ADAMTSL1: variants seen among roughly 807,000 people sequenced by gnomAD.
The protein encoded by ADAMTSL1 is ADAMTS like 1, also known as ADAMTS-like protein 1.
In ADAMTSL1, 126 loss-of-function variants were observed where a neutral mutation model predicts 201.8. The observed-to-expected ratio is 0.62, with a 90% confidence interval of 0.54 to 0.72. The LOEUF (loss-of-function observed/expected upper bound fraction) is 0.72, where lower values mean the gene tolerates loss of function less well. Ranked by LOEUF, ADAMTSL1 falls within the 30% of genes least tolerant of loss-of-function variation. The probability of loss-of-function intolerance (pLI) is 0.00; values close to 1 mark genes in which losing one functional copy is unlikely to be tolerated. For synonymous variants in ADAMTSL1, 1,121 were observed against 903.4 expected (o/e 1.24, Z -4.32); for missense variants, 2,679 against 2,277.8 (o/e 1.18, Z -3.59).
At chr9:18,385,795 T>C (rs555406361) in intron 2 of ADAMTSL1, among the ~76,000 whole-genome samples, 147 of 152,328 alleles carry the variant, frequency 9.7e-4, no homozygotes, top group African/African-American at 3.4e-3. Context: ...GGCTGACATT[T>C]CACTTCATGC....
chr9:18,302,742 A>G (rs1280807775), intron 2 of ADAMTSL1, among the ~76,000 whole-genome samples: 2 of 152,210 alleles, frequency 1.3e-5, no homozygotes, highest in East Asian at 3.8e-4. Flanking sequence ...CTAATGCTTA[A>G]TGGTAAGATT....
At chr9:18,855,596 C>G (rs1430489878) in intron 23 of ADAMTSL1, among the ~76,000 whole-genome samples, 1 of 152,118 alleles carries the variant, frequency 6.6e-6, no homozygotes, top group Non-Finnish European at 1.5e-5. Context: ...ACTCTTTTAT[C>G]CTTCACCTTC....
intron 2 of ADAMTSL1, among the ~76,000 whole-genome samples, chr9:18,251,763 G>A (rs1831473315): frequency 6.6e-6 from 1 of 152,102 alleles, no homozygotes; most frequent in African/African-American, 2.4e-5. Context: ...AGCTGGCACG[G>A]GCACAGAGAA....
intron 2 of ADAMTSL1, among the ~76,000 whole-genome samples, chr9:18,398,324 C>T (rs1817831687): frequency 2.0e-5 from 3 of 152,106 alleles, no homozygotes; most frequent in Non-Finnish European, 2.9e-5. Flanking sequence ...AGTAAAATAA[C>T]TTAAAATGTT....
At chr9:18,523,918 G>A (rs1322208863) in intron 2 of ADAMTSL1, among the ~76,000 whole-genome samples, 5 of 135,920 alleles carry the variant, frequency 3.7e-5, no homozygotes, top group Admixed American at 2.4e-4. Context: ...TTGACTTGGT[G>A]ATGTGGGCTC....
intron 3 of ADAMTSL1, among the ~76,000 whole-genome samples, chr9:18,564,472 C>G (rs12004058): frequency 0.26 from 39,608 of 152,134 alleles, 5,948 homozygotes; most frequent in Admixed American, 0.38. Flanking sequence ...CTTGCCAGCC[C>G]CTGCCTCACT....
At chr9:17,993,311 T>C (rs1408375012) in intron 1 of ADAMTSL1, among the ~76,000 whole-genome samples, 1 of 152,178 alleles carries the variant, frequency 6.6e-6, no homozygotes, top group African/African-American at 2.4e-5. Flanking sequence ...TATTTGATCA[T>C]GAATGTTTTT....
chr9:18,807,438 A>G (rs1338908161), intron 20 of ADAMTSL1, among the ~76,000 whole-genome samples: 2 of 151,942 alleles, frequency 1.3e-5, no homozygotes, highest in African/African-American at 4.8e-5. Context: ...AGGTCAGGAG[A>G]TCGAGACCAT....
Position 18,439,601 on chromosome 9 carries a change from G to T in ADAMTSL1, c.208-65228G>T, listed in dbSNP as rs888151853. ...AGGATGGTCTCGATCTCCTGACCTCGTGATCTGCCTGCCTCGGTCTCCCAA... is the reference window on the plus strand; with the variant it reads ...AGGATGGTCTCGATCTCCTGACCTCTTGATCTGCCTGCCTCGGTCTCCCAA... On this transcript the variant is annotated intron_variant, in intron 2 of 29. Transcript: ENST00000680146. Among the ~76,000 whole-genome samples, 14 of 152,268 alleles carry T rather than the reference G, an allele frequency of 9.2e-5. No individual in the cohort carries two copies. In the East Asian group the frequency reaches 2.7e-3, roughly 29 times the overall value.
chr9:18,428,297 G>A (rs1466889502), intron 2 of ADAMTSL1, among the ~76,000 whole-genome samples: 1 of 151,874 alleles, frequency 6.6e-6, no homozygotes, highest in Non-Finnish European at 1.5e-5. Flanking sequence ...ACAAGAATTG[G>A]GGCCGGGTTT....
intron 25 of ADAMTSL1, chr9:18,890,705 C>A (rs888063864): frequency 2.7e-4 from 106 of 392,158 alleles, no homozygotes; most frequent in African/African-American, 1.9e-3. Flanking sequence ...CATAGCCTGG[C>A]CCGCTCCTTT....
chr9:18,832,926 G>T (rs1825080242), intron 23 of ADAMTSL1, among the ~76,000 whole-genome samples: 1 of 152,186 alleles, frequency 6.6e-6, no homozygotes, highest in Non-Finnish European at 1.5e-5. Flanking sequence ...AGTAAGGGGG[G>T]AAAGGAGAGT....
intron 2 of ADAMTSL1, among the ~76,000 whole-genome samples, chr9:18,287,498 TTATA>T (rs1331791079): frequency 6.6e-6 from 1 of 151,654 alleles, no homozygotes; most frequent in Non-Finnish European, 1.5e-5. Context: ...ATGCATGTAT[TTATA>T]TGTGCACATA....
Position 18,889,712 on chromosome 9 carries a change from A to G in ADAMTSL1, c.4607A>G (p.Gln1536Arg), listed in dbSNP as rs1048955324. The G allele has an allele frequency of 1.9e-6, 3 of 1,557,360 alleles. No homozygotes were observed. Among genetic ancestry groups the G allele is most frequent in the Non-Finnish European group, 2.6e-6 (3 of 1,150,842 alleles). The change falls in exon 25 of 29, where the codon CAG (glutamine) becomes CGG (arginine). Residue 1536 changes from glutamine to arginine, a missense_variant. Coordinates refer to ENST00000380548, the MANE Select transcript of ADAMTSL1 (RefSeq NM_001040272.6). The stretch of plus-strand genomic sequence containing the variant: ...GCAGGGAAGGTTCGCCCTGCGGTGC[A>G]GCCCATCGCGTGCAACCGGAGAGAC... ...HCAGKVRPAVQPIACNRRDCP... is the reference protein window; with the variant it reads ...HCAGKVRPAVRPIACNRRDCP...
intron 1 of ADAMTSL1, among the ~76,000 whole-genome samples, chr9:18,080,732 G>T: frequency 6.6e-6 from 1 of 151,834 alleles, no homozygotes; most frequent in East Asian, 1.9e-4. Flanking sequence ...AGGCCTAGAG[G>T]CACTAAGTGA....
At chr9:18,666,181 T>C (rs889412843) in intron 9 of ADAMTSL1, among the ~76,000 whole-genome samples, 3 of 152,158 alleles carry the variant, frequency 2.0e-5, no homozygotes, top group African/African-American at 7.2e-5. Context: ...AGCAGTTTCA[T>C]CCCAAGAAGG....
At chr9:18,083,924 G>A (rs528250072) in intron 1 of ADAMTSL1, among the ~76,000 whole-genome samples, 10 of 152,158 alleles carry the variant, frequency 6.6e-5, no homozygotes, top group African/African-American at 1.7e-4. Flanking sequence ...AGACCAATAC[G>A]GTGGTCTTGC....
Position 18,777,110 on chromosome 9 carries a change from A to T in ADAMTSL1, c.2881A>T (p.Ile961Phe), listed in dbSNP as rs987191852. 6.2e-6 allele frequency: 10 copies of T among 1,613,080 alleles called. No homozygotes were observed. Among genetic ancestry groups the T allele is most frequent in the Non-Finnish European group, 8.5e-6 (10 of 1,179,814 alleles). The change falls in exon 19 of 29, where the codon ATC becomes TTC. Residue 961 changes from isoleucine to phenylalanine, a missense_variant. Physicochemically the swap from Ile to Phe is conservative, Grantham distance 21. Coordinates refer to ENST00000380548, the MANE Select transcript of ADAMTSL1 (RefSeq NM_001040272.6). ...PAREHFVIKL[I>F]GGNRKLVARP... ...CCGGGAGCACTTTGTGATTAAGCTCATCGGAGGCAACCGCAAGCTCGTGGC... is the reference window on the plus strand; with the variant it reads ...CCGGGAGCACTTTGTGATTAAGCTCTTCGGAGGCAACCGCAAGCTCGTGGC...
intron 2 of ADAMTSL1, among the ~76,000 whole-genome samples, chr9:18,184,867 C>T (rs1828663082): frequency 6.6e-6 from 1 of 152,128 alleles, no homozygotes; most frequent in African/African-American, 2.4e-5. Context: ...ATTAAAATGG[C>T]AGTCATAAAA....
Sources: gnomAD v4.1 joint callset for allele counts (sites outside exome capture counted in the v4.1 genomes callset) on GRCh38, gnomAD v4.1.1 for gene constraint, MANE v1.5 for transcripts, NCBI Gene and HGNC (gene_info 2026-07-23, HGNC 2026-07-21) for gene names.